Variants in PXDNL observed in about 807,000 individuals in gnomAD.
PXDNL encodes peroxidasin like, also known as probable oxidoreductase PXDNL.
Under a neutral mutation model 150.8 loss-of-function variants are expected in PXDNL, and 145 were observed. The observed-to-expected ratio is 0.96, with a 90% CI of 0.84 to 1.10. The LOEUF (loss-of-function observed/expected upper bound fraction) is 1.10. PXDNL is among the 50% of genes least tolerant of loss of function. The pLI is 0.00. For synonymous variants in PXDNL, 757 were observed against 725.7 expected (o/e 1.04, Z -0.69); for missense variants, 2,087 against 1,873.9 (o/e 1.11, Z -2.10).
chr8:51,665,854 T>C (rs7012655), intron 1 of PXDNL, among the ~76,000 whole-genome samples: 128,075 of 152,186 alleles, frequency 0.84, 54,208 homozygotes, highest in African/African-American at 0.93. Context: ...ACACCAACCA[T>C]TTCATTCCTG....
intron 6 of PXDNL, among the ~76,000 whole-genome samples, chr8:51,475,373 C>G (rs1407220909): frequency 6.6e-6 from 1 of 152,178 alleles, no homozygotes; most frequent in Non-Finnish European, 1.5e-5. Flanking sequence ...CACTTTAAAA[C>G]TGGAAAAGTG....
chr8:51,724,773 C>A (rs1228672833), intron 1 of PXDNL, among the ~76,000 whole-genome samples: 1 of 152,148 alleles, frequency 6.6e-6, no homozygotes, highest in African/African-American at 2.4e-5. Context: ...CCTGTCCATG[C>A]TTTTTATCGT....
chr8:51,743,044 G>T (rs1427625153), intron 1 of PXDNL, among the ~76,000 whole-genome samples: 1 of 152,134 alleles, frequency 6.6e-6, no homozygotes, highest in African/African-American at 2.4e-5. Context: ...TTATCAATTT[G>T]CAGAAGGGCA....
chr8:51,413,058 A>G (rs1227655271), intron 15 of PXDNL, 92 bp downstream of exon 15: 7 of 756,172 alleles, frequency 9.3e-6, no homozygotes, highest in Non-Finnish European at 1.4e-5. Flanking sequence ...ACTCTATTGC[A>G]TATGCACTAT....
In PXDNL at chr8:51,383,979, T is replaced by C. The variant is rs960471034; in HGVS notation, c.3558-9248A>G. ...CTCACCTGATTGAGAGAGTGCAAGA[T>C]AGATATGCAGCAATGTATGGTGTTA... On this transcript the variant is annotated intron_variant, in intron 17 of 22. Transcript: ENST00000356297. Among the ~76,000 whole-genome samples, 6 of 152,292 alleles carry C rather than the reference T, an allele frequency of 3.9e-5. No homozygotes were observed. The East Asian group carries it at 1.2e-3, about 29-fold the overall frequency.
At chr8:51,496,245 A>G (rs1243183683) in intron 5 of PXDNL, among the ~76,000 whole-genome samples, 1 of 152,130 alleles carries the variant, frequency 6.6e-6, no homozygotes, top group African/African-American at 2.4e-5. Context: ...CATGCTAAAA[A>G]CTCTCAATAA....
At chr8:51,427,613 T>C (rs1473446883) in intron 12 of PXDNL, among the ~76,000 whole-genome samples, 2 of 152,174 alleles carry the variant, frequency 1.3e-5, no homozygotes, top group Admixed American at 1.3e-4. Flanking sequence ...ATAAATGTAA[T>C]CCATCATATT....
At chr8:51,770,981 C>T (rs895071610) in intron 1 of PXDNL, among the ~76,000 whole-genome samples, 5 of 152,130 alleles carry the variant, frequency 3.3e-5, no homozygotes, top group South Asian at 2.1e-4. Flanking sequence ...GACACATGGA[C>T]GGCAGCAGCA....
intron 1 of PXDNL, among the ~76,000 whole-genome samples, chr8:51,739,238 G>A (rs576708337): frequency 2.4e-4 from 37 of 152,142 alleles, no homozygotes; most frequent in African/African-American, 7.9e-4. Context: ...ACTACAAATG[G>A]AGCAGAAGTC....
In PXDNL at chr8:51,475,125, C is replaced by T. The variant is rs371103708; in HGVS notation, c.541G>A (p.Ala181Thr). Reference sequence around the variant, plus strand: ...ATCAGATCACAGTCACAAACCAGGGCGTTGGAATCCAGACGCCTAGGCATG... The same window carrying T: ...ATCAGATCACAGTCACAAACCAGGGTGTTGGAATCCAGACGCCTAGGCATG... Reference protein sequence around the residue: ...SLKRLRLDSNALVCDCDLMWL... With the variant: ...SLKRLRLDSNTLVCDCDLMWL... The change falls in exon 7 of 23, where the codon GCC becomes ACC. Residue 181 changes from alanine to threonine, a missense_variant. Transcript: ENST00000356297. 8 of 1,612,530 alleles carry T rather than the reference C, an allele frequency of 5.0e-6. No homozygotes were observed. Among genetic ancestry groups the T allele is most frequent in the Admixed American group, 1.7e-5 (1 of 59,914 alleles).
chr8:51,696,490 T>C (rs75644938), intron 1 of PXDNL, among the ~76,000 whole-genome samples: 2 of 152,196 alleles, frequency 1.3e-5, no homozygotes, highest in East Asian at 1.9e-4. Flanking sequence ...GTCTTTGTTA[T>C]GGCAGCCCTC....
intron 12 of PXDNL, among the ~76,000 whole-genome samples, chr8:51,433,716 T>A (rs573737501): frequency 1.1e-4 from 16 of 152,274 alleles, no homozygotes; most frequent in Non-Finnish European, 2.2e-4. Flanking sequence ...TATACTTTAC[T>A]ATTTACCCTT....
At chr8:51,664,827 T>C (rs1028344432) in intron 1 of PXDNL, among the ~76,000 whole-genome samples, 3 of 152,110 alleles carry the variant, frequency 2.0e-5, no homozygotes, top group African/African-American at 7.2e-5. Context: ...CTCCACACCC[T>C]GGCCTCCCCC....
intron 17 of PXDNL, among the ~76,000 whole-genome samples, chr8:51,395,203 A>G (rs1808043398): frequency 6.6e-6 from 1 of 152,208 alleles, no homozygotes; most frequent in Non-Finnish European, 1.5e-5. Flanking sequence ...GTGTGTGCAT[A>G]TAAGCATCAG....
chr8:51,364,513 C>T (rs1303280617), intron 19 of PXDNL, among the ~76,000 whole-genome samples: 1 of 152,094 alleles, frequency 6.6e-6, no homozygotes, highest in Non-Finnish European at 1.5e-5. Context: ...CTTGCTTATA[C>T]TTCTATGAAC....
At chr8:51,584,785 A>G (rs1813288107) in intron 3 of PXDNL, among the ~76,000 whole-genome samples, 1 of 152,186 alleles carries the variant, frequency 6.6e-6, no homozygotes, top group Non-Finnish European at 1.5e-5. Context: ...ATTTTACTTC[A>G]TCCCAAAAAC....
intron 1 of PXDNL, among the ~76,000 whole-genome samples, chr8:51,677,341 T>C (rs1815646977): frequency 6.6e-6 from 1 of 152,212 alleles, no homozygotes. Context: ...TCTCTGCTGC[T>C]TAAAGCAACA....
At chr8:51,776,625 C>A (rs933215190) in intron 1 of PXDNL, among the ~76,000 whole-genome samples, 2 of 152,100 alleles carry the variant, frequency 1.3e-5, no homozygotes, top group African/African-American at 4.8e-5. Flanking sequence ...TGGCACCTTG[C>A]TTTTGGTCTG....
intron 9 of PXDNL, among the ~76,000 whole-genome samples, chr8:51,454,842 G>T (rs1327941266): frequency 6.6e-6 from 1 of 152,176 alleles, no homozygotes; most frequent in Non-Finnish European, 1.5e-5. Flanking sequence ...TACTCTAGCT[G>T]CATGAACAGA....
Sources: allele counts gnomAD v4.1 joint callset (sites outside exome capture counted in the v4.1 genomes callset), GRCh38; gene constraint gnomAD v4.1.1; transcripts MANE v1.5; gene names NCBI Gene and HGNC (gene_info 2026-07-23, HGNC 2026-07-21).